Variants in KIF13A observed in about 807,000 individuals in gnomAD.
KIF13A encodes kinesin-like protein KIF13A.
KIF13A carries 79 observed loss-of-function variants against 212.2 expected under a neutral mutation model. The ratio of observed to expected loss-of-function variants is 0.37; its 90% CI spans 0.31 to 0.45. KIF13A has a LOEUF of 0.45. Among genes scored for constraint, KIF13A ranks in the 20% least tolerant of loss-of-function variants. KIF13A has a pLI of 1.00. For synonymous variants in KIF13A, 789 were observed against 808.6 expected (o/e 0.98, Z 0.41); for missense variants, 1,901 against 2,209.0 (o/e 0.86, Z 2.79).
rs1765727601 is a variant in KIF13A at position 17,834,306 on chromosome 6, A to G, written c.1156-235T>C. 6.6e-6 allele frequency among the ~76,000 whole-genome samples: 1 copy of G among 152,256 alleles called. No homozygotes were observed. The highest frequency in any genetic ancestry group is 1.5e-5 in the Non-Finnish European group (1 of 68,044). Reference sequence around the variant, plus strand: ...ATGAAAATGAAACAAATCATTAGTCATTTTATCCATTATACTTAAATTTCA... The same window carrying G: ...ATGAAAATGAAACAAATCATTAGTCGTTTTATCCATTATACTTAAATTTCA... On this transcript the variant is annotated intron_variant, in intron 11 of 38. Transcript: ENST00000259711. This position sits in a 1 kb window ranked among gnomAD's most constrained non-coding sequence, Gnocchi z 4.0.
chr6:17,959,081 TG>T (rs759687958), intron 2 of KIF13A, among the ~76,000 whole-genome samples: 4 of 151,994 alleles, frequency 2.6e-5, no homozygotes, highest in Admixed American at 6.6e-5. Flanking sequence ...TTTGTAGAGA[TG>T]GGGTCTCACT....
intron 3 of KIF13A, chr6:17,881,533 C>T (rs543602818): frequency 1.4e-4 from 58 of 421,070 alleles, no homozygotes; most frequent in African/African-American, 1.2e-3. Context: ...CCTGTCTCTA[C>T]TAAATATACA....
chr6:17,952,954 G>A (rs1178322125), intron 2 of KIF13A, among the ~76,000 whole-genome samples: 1 of 151,542 alleles, frequency 6.6e-6, no homozygotes. Flanking sequence ...GAAGCGAAGC[G>A]AAGAGGGGAA....
intron 2 of KIF13A, among the ~76,000 whole-genome samples, chr6:17,943,502 C>A (rs1179231248): frequency 2.0e-5 from 3 of 151,490 alleles, no homozygotes; most frequent in Non-Finnish European, 4.4e-5. Flanking sequence ...CCTGCCTCGG[C>A]CTCCCAAAGT....
At chr6:17,975,026 C>T (rs1468174248) in intron 2 of KIF13A, among the ~76,000 whole-genome samples, 1 of 152,038 alleles carries the variant, frequency 6.6e-6, no homozygotes, top group Non-Finnish European at 1.5e-5. Context: ...CCAGCATCAG[C>T]CATCACCTGG....
rs934877720 is a variant in KIF13A, at chr6:17,828,251, T to A, written c.1521A>T (p.Lys507Asn). ...ASDGDVTLTP[K>N]ENARSCVNGT... Reference sequence around the variant, plus strand: ...TTTACTTTTCTTACCTTGCATTTTCTTTTGGAGTGAGAGTGACGTCTCCAT... The same window carrying A: ...TTTACTTTTCTTACCTTGCATTTTCATTTGGAGTGAGAGTGACGTCTCCAT... Residue 507 changes from lysine to asparagine, a missense_variant, in exon 14 of 39, where the codon AAA (lysine) becomes AAT (asparagine). By Grantham distance (94) the Lys-to-Asn change is moderately conservative (BLOSUM62 0). Coordinates refer to ENST00000259711, the MANE Select transcript of KIF13A (RefSeq NM_022113.6). This position sits in a 1 kb window ranked among gnomAD's most constrained non-coding sequence, Gnocchi z 4.3. 1.2e-6 allele frequency: 2 copies of A among 1,609,956 alleles called. No homozygotes were observed. The highest frequency in any genetic ancestry group is 2.7e-5 in the African/African-American group (2 of 74,984).
chr6:17,837,422 C>G lies in KIF13A; in HGVS notation c.942+50G>C. Reference sequence around the variant, plus strand: ...TGTACACACCTTTACTCTGTCACATCTGGAATAGCCAATTTTTAGTTGGAA... The same window carrying G: ...TGTACACACCTTTACTCTGTCACATGTGGAATAGCCAATTTTTAGTTGGAA... On this transcript the variant is annotated intron_variant, in intron 10 of 38. Coordinates refer to ENST00000259711, the MANE Select transcript of KIF13A (RefSeq NM_022113.6). This position sits in a 1 kb window ranked among gnomAD's most constrained non-coding sequence, Gnocchi z 5.4. 7.6e-7 allele frequency: 1 copy of G among 1,309,122 alleles called. No individual in the cohort carries two copies. 81.1% of individuals were successfully genotyped at this position (1,309,122 alleles called of 1,614,324 possible).
At chr6:17,903,827 G>A (rs908886686) in intron 2 of KIF13A, among the ~76,000 whole-genome samples, 1 of 152,080 alleles carries the variant, frequency 6.6e-6, no homozygotes, top group Non-Finnish European at 1.5e-5. Context: ...GTAAATGGGG[G>A]GAGCGGGGGA....
rs978270044 is a variant in KIF13A, at chr6:17,825,536, A to G, written c.1786+232T>C. Among the ~76,000 whole-genome samples the G allele has an allele frequency of 6.6e-6, 1 of 152,208 alleles. No homozygotes were observed. The highest frequency in any genetic ancestry group is 6.5e-5 in the Admixed American group (1 of 15,282). On this transcript the variant is annotated intron_variant, in intron 16 of 38. Transcript: ENST00000259711. The surrounding 1 kb of genome is among the most constrained non-coding windows in gnomAD (Gnocchi z 4.5). ...AAATGTCACCACAATTCGCTTGGGA[A>G]TAAGAGGTCTCAAAAACGGGACCAT...
At chr6:17,835,926 A>C (rs74960506) in intron 11 of KIF13A, among the ~76,000 whole-genome samples, 9,233 of 152,168 alleles carry the variant, frequency 0.061, 742 homozygotes, top group African/African-American at 0.18. Context: ...CAGTGGGGTC[A>C]GAAGAGAGTG....
chr6:17,938,037 C>T (rs903863837), intron 2 of KIF13A, among the ~76,000 whole-genome samples: 14 of 148,130 alleles, frequency 9.5e-5, no homozygotes, highest in Non-Finnish European at 1.8e-4. Context: ...CATAAGCCAC[C>T]GTGCCCCGCC....
At chr6:17,759,891 G>A (rs1758510771), downstream of KIF13A, 1 of 117,056 alleles carries the variant, frequency 8.5e-6, no homozygotes, top group African/African-American at 3.3e-5. Context: ...CACTACTCCT[G>A]GCTGTCCTTG....
chr6:17,951,751 T>A lies in KIF13A; in HGVS notation c.146+35303A>T, dbSNP rs1323661811. Among the ~76,000 whole-genome samples the A allele has an allele frequency of 7.2e-5, 11 of 152,240 alleles. No individual in the cohort carries two copies. Among genetic ancestry groups the A allele is most frequent in the Non-Finnish European group, 1.3e-4 (9 of 68,046 alleles). ...TTATGACTGCTTATTTCACTTAATG[T>A]TATGTTTACAAAAAGTTCATCAATG... On this transcript the variant is annotated intron_variant, in intron 2 of 38. Transcript: ENST00000259711. The surrounding 1 kb of genome is among the most constrained non-coding windows in gnomAD (Gnocchi z 4.9).
chr6:17,956,464 A>G (rs1200414176), intron 2 of KIF13A, among the ~76,000 whole-genome samples: 2 of 152,232 alleles, frequency 1.3e-5, no homozygotes, highest in Non-Finnish European at 2.9e-5. Context: ...TGCAAAAGCA[A>G]CCAAGATGGA....
intron 12 of KIF13A, among the ~76,000 whole-genome samples, chr6:17,831,912 A>G (rs1009034602): frequency 1.3e-5 from 2 of 151,930 alleles, no homozygotes; most frequent in African/African-American, 4.8e-5. Context: ...ACTGAACCCA[A>G]TGAAGTCCCG....
In KIF13A at chr6:17,783,776, G is replaced by T; in HGVS notation, c.3489-75C>A. The T allele has an allele frequency of 1.0e-6, 1 of 956,028 alleles. No individual in the cohort carries two copies. Among genetic ancestry groups the T allele is most frequent in the Non-Finnish European group, 1.6e-6 (1 of 607,722 alleles). The allele number at this position is 956,028 out of a possible 1,614,324, so 59.2% of individuals were successfully genotyped here. Reference sequence around the variant, plus strand: ...TTGTTAGCTGATAAAACACCACAGAGCTGTGGAAGCAAAGAGAACCATGGT... The same window carrying T: ...TTGTTAGCTGATAAAACACCACAGATCTGTGGAAGCAAAGAGAACCATGGT... On this transcript the variant is annotated intron_variant, in intron 28 of 38. Coordinates refer to ENST00000259711, the MANE Select transcript of KIF13A (RefSeq NM_022113.6). The surrounding 1 kb of genome is among the most constrained non-coding windows in gnomAD (Gnocchi z 4.3).
At position 17,971,710 on chromosome 6, in the gene KIF13A, T is replaced by G. The variant is rs1057150395; in HGVS notation, c.146+15344A>C. Among the ~76,000 whole-genome samples, 2 of 152,060 alleles carry G rather than the reference T, an allele frequency of 1.3e-5. No individual in the cohort carries two copies. The highest frequency in any genetic ancestry group is 2.4e-5 in the African/African-American group (1 of 41,374). ...AAAGAATTGGGATTACAGGAGTGAG[T>G]CACCACGTCCGGCTTGCTCTTGTTT... On this transcript the variant is annotated intron_variant, in intron 2 of 38. Transcript: ENST00000259711. This position sits in a 1 kb window ranked among gnomAD's most constrained non-coding sequence, Gnocchi z 4.2.
intron 4 of KIF13A, among the ~76,000 whole-genome samples, chr6:17,857,978 C>A (rs1172612007): frequency 1.3e-5 from 2 of 152,142 alleles, no homozygotes; most frequent in East Asian, 3.9e-4. Flanking sequence ...ACCCCCAACA[C>A]CCACATCTAT....
intron 2 of KIF13A, among the ~76,000 whole-genome samples, chr6:17,925,544 T>A (rs1028544591): frequency 3.3e-5 from 5 of 152,200 alleles, no homozygotes; most frequent in African/African-American, 1.2e-4. Flanking sequence ...GGTTTCTCCA[T>A]CATCACTTTG....
Sources: gnomAD v4.1 joint callset for allele counts (sites outside exome capture counted in the v4.1 genomes callset) on GRCh38, gnomAD v4.1.1 for gene constraint, Gnocchi (gnomAD v3.1) non-coding constraint, MANE v1.5 for transcripts, NCBI Gene and HGNC (gene_info 2026-07-23, HGNC 2026-07-21) for gene names.